Variants in OR5V1 observed in about 807,000 individuals in gnomAD.
OR5V1 encodes olfactory receptor 5V1.
For missense variants in OR5V1, 365 were observed against 371.5 expected (o/e 0.98, Z 0.14); for synonymous variants, 134 against 143.2 (o/e 0.94, Z 0.46).
At chr6:29,364,833 T>C (rs1426726941) in intron 1 of OR5V1, among the ~76,000 whole-genome samples, 1 of 128,148 alleles carries the variant, frequency 7.8e-6, no homozygotes, top group Non-Finnish European at 1.6e-5. Context: ...AGAACAAAGC[T>C]GGAGGCATCA....
intron 1 of OR5V1, among the ~76,000 whole-genome samples, chr6:29,356,638 G>A (rs897606729): frequency 1.3e-5 from 2 of 151,820 alleles, no homozygotes; most frequent in Non-Finnish European, 2.9e-5. Flanking sequence ...ATACTTCAAC[G>A]TTAATATAAA....
chr6:29,367,574 T>C (rs1465960881), intron 1 of OR5V1, among the ~76,000 whole-genome samples: 1 of 152,202 alleles, frequency 6.6e-6, no homozygotes, highest in Non-Finnish European at 1.5e-5. Context: ...CATATTATTT[T>C]TATTCTTATA....
Position 29,354,441 on chromosome 6 carries a change from G to C in OR5V1, c.*789C>G, listed in dbSNP as rs890406082. On this transcript the variant is annotated 3_prime_UTR_variant, in exon 2 of 2. Coordinates refer to ENST00000641768, the MANE Select transcript of OR5V1 (RefSeq NM_030876.6). Reference sequence around the variant, plus strand: ...CTAAATTTAGTCATTATATAACTAAGACTTTTTATTCCCCATCAAAAAACC... The same window carrying C: ...CTAAATTTAGTCATTATATAACTAACACTTTTTATTCCCCATCAAAAAACC... 1.3e-5 allele frequency: 2 copies of C among 151,682 alleles called. No homozygotes were observed. The highest frequency in any genetic ancestry group is 2.9e-5 in the Non-Finnish European group (2 of 67,886). The allele number at this position is 151,682 out of a possible 1,614,324, so 9.4% of individuals were successfully genotyped here.
Position 29,355,734 on chromosome 6 carries a change from A to G in OR5V1, c.462T>C (p.Leu154=), listed in dbSNP as rs1241363024. Residue 154 remains leucine, a synonymous_variant, in exon 2 of 2, where the codon CTT becomes CTC. Coordinates refer to ENST00000641768, the MANE Select transcript of OR5V1 (RefSeq NM_030876.6). ...LAASCWAAGF[L]NSVVHTVLTF... ...TCAACACTGTATGCACCACTGAGTT[A>G]AGGAAACCAGCAGCCCAGCATGAGG... The G allele has an allele frequency of 6.2e-7, 1 of 1,614,036 alleles. No individual in the cohort carries two copies. Among genetic ancestry groups the G allele is most frequent in the African/African-American group, 1.3e-5 (1 of 75,054 alleles).
At position 29,354,541 on chromosome 6, in the gene OR5V1, A is replaced by T. The variant is rs1778163774; in HGVS notation, c.*689T>A. On this transcript the variant is annotated 3_prime_UTR_variant, in exon 2 of 2. Transcript: ENST00000641768. ...GAAAAAAGTTTCCCAAATTTAAGAT[A>T]CTCTATAAAATAGTAATATGTTTTG... The T allele has an allele frequency of 6.6e-6, 1 of 152,076 alleles. No individual in the cohort carries two copies. Among genetic ancestry groups the T allele is most frequent in the African/African-American group, 2.4e-5 (1 of 41,440 alleles). 9.4% of individuals were successfully genotyped at this position (152,076 alleles called of 1,614,324 possible). A position where few individuals can be genotyped will look rare whatever the true frequency, so the allele number is the denominator to read the frequency against.
chr6:29,362,788 C>T (rs1302560899), intron 1 of OR5V1, among the ~76,000 whole-genome samples: 2 of 152,160 alleles, frequency 1.3e-5, no homozygotes, highest in African/African-American at 4.8e-5. Flanking sequence ...CTCAGGGACA[C>T]AGCTAGAGCA....
intron 1 of OR5V1, among the ~76,000 whole-genome samples, chr6:29,363,696 C>T (rs1359017965): frequency 6.6e-6 from 1 of 152,142 alleles, no homozygotes; most frequent in Non-Finnish European, 1.5e-5. Flanking sequence ...ATGACAAAAA[C>T]CACATGATTA....
chr6:29,358,872 A>G (rs1490393480), intron 1 of OR5V1, among the ~76,000 whole-genome samples: 3 of 152,222 alleles, frequency 2.0e-5, no homozygotes, highest in African/African-American at 7.2e-5. Flanking sequence ...CTAATGATTT[A>G]TTGTATAGCA....
intron 1 of OR5V1, among the ~76,000 whole-genome samples, 172 bp downstream of exon 1, chr6:29,368,460 C>T (rs529989335): frequency 2.0e-5 from 3 of 152,314 alleles, no homozygotes; most frequent in Admixed American, 2.0e-4. Context: ...GGCTGATTGT[C>T]ACCCAAAGCA....
intron 1 of OR5V1, among the ~76,000 whole-genome samples, chr6:29,357,990 C>T (rs1173404210): frequency 2.6e-5 from 4 of 152,132 alleles, no homozygotes; most frequent in Non-Finnish European, 5.9e-5. Flanking sequence ...GACAAATATG[C>T]ATTTCAATGT....
At chr6:29,359,890 A>T (rs951291634) in intron 1 of OR5V1, among the ~76,000 whole-genome samples, 6 of 152,062 alleles carry the variant, frequency 3.9e-5, no homozygotes, top group Non-Finnish European at 8.8e-5. Context: ...AGTTTTTTTC[A>T]TACCCCAGTG....
intron 1 of OR5V1, among the ~76,000 whole-genome samples, chr6:29,356,712 A>G (rs1440581182): frequency 6.6e-6 from 1 of 152,176 alleles, no homozygotes; most frequent in African/African-American, 2.4e-5. Context: ...TGGGAAAAAT[A>G]TAGAAAAGAA....
At chr6:29,361,549 A>G (rs1333692653) in intron 1 of OR5V1, among the ~76,000 whole-genome samples, 1 of 152,222 alleles carries the variant, frequency 6.6e-6, no homozygotes, top group African/African-American at 2.4e-5. Context: ...CAGGTTACCT[A>G]CAAAGGGAAG....
intron 1 of OR5V1, among the ~76,000 whole-genome samples, chr6:29,359,066 G>A (rs1778447913): frequency 6.6e-6 from 1 of 152,130 alleles, no homozygotes. Context: ...GCAGACTAGA[G>A]TGGTGACAAT....
intron 1 of OR5V1, among the ~76,000 whole-genome samples, chr6:29,356,621 C>T (rs1214915172): frequency 6.6e-6 from 1 of 152,024 alleles, no homozygotes; most frequent in Non-Finnish European, 1.5e-5. Context: ...CCCTGCTCTC[C>T]TTTTTCATAC....
In OR5V1 at chr6:29,366,219, G is replaced by A. The variant is rs375680600; in HGVS notation, c.-83+2413C>T. 6.6e-5 allele frequency among the ~76,000 whole-genome samples: 10 copies of A among 151,302 alleles called. No individual in the cohort carries two copies. The South Asian group carries it at 1.3e-3, about 19-fold the overall frequency. On this transcript the variant is annotated intron_variant, in intron 1 of 1. Coordinates refer to ENST00000641768, the MANE Select transcript of OR5V1 (RefSeq NM_030876.6). ...GCTAATGCATGCGGGGCTTAAAACCGAGATGACGTGTTGATCAGTGCAGCA... is the reference window on the plus strand; with the variant it reads ...GCTAATGCATGCGGGGCTTAAAACCAAGATGACGTGTTGATCAGTGCAGCA...
At chr6:29,363,661 AC>A (rs1249567387) in intron 1 of OR5V1, among the ~76,000 whole-genome samples, 1 of 152,204 alleles carries the variant, frequency 6.6e-6, no homozygotes, top group Non-Finnish European at 1.5e-5. Context: ...AAATCAATAA[AC>A]ATAATCTATC....
At chr6:29,362,194 G>A (rs931850141) in intron 1 of OR5V1, among the ~76,000 whole-genome samples, 1 of 151,992 alleles carries the variant, frequency 6.6e-6, no homozygotes, top group Non-Finnish European at 1.5e-5. Flanking sequence ...ACAAAGAAAG[G>A]CATTACACAA....
rs1171009671 is a variant in OR5V1 at position 29,364,606 on chromosome 6, G to A, written c.-83+4026C>T. Among the ~76,000 whole-genome samples, 8 of 65,608 alleles carry A rather than the reference G, an allele frequency of 1.2e-4. 3 individuals carry two copies. The highest frequency in any genetic ancestry group is 1.1e-3 in the Admixed American group (6 of 5,548). 43.0% of individuals were successfully genotyped at this position (65,608 alleles called of 152,430 possible). On this transcript the variant is annotated intron_variant, in intron 1 of 1. Coordinates refer to ENST00000641768, the MANE Select transcript of OR5V1 (RefSeq NM_030876.6). ...GAGGTCAGGAGATCGAGACCATCCC[G>A]GCTAAAACGGTGAAACCCCGTCTCT...
Sources: gnomAD v4.1 joint callset for allele counts (sites outside exome capture counted in the v4.1 genomes callset) on GRCh38, gnomAD v4.1.1 for gene constraint, MANE v1.5 for transcripts, NCBI Gene and HGNC (gene_info 2026-07-23, HGNC 2026-07-21) for gene names.